The following DDX10 variants were observed in gnomAD, a reference collection of about 807,000 sequenced individuals.
DDX10 encodes DEAD-box helicase 10, also known as probable ATP-dependent RNA helicase DDX10.
A neutral mutation model predicts 104.3 loss-of-function variants in DDX10; 74 were observed. That is an observed-to-expected ratio of 0.71 (90% CI 0.59 to 0.86). The LOEUF is 0.86. Ranked by LOEUF, DDX10 falls within the 40% of genes least tolerant of loss-of-function variation. The pLI is 0.00. For missense variants in DDX10, 952 were observed against 1,040.0 expected (o/e 0.92, Z 1.16); for synonymous variants, 351 against 353.4 (o/e 0.99, Z 0.08).
At chr11:108,884,543 T>TG (rs1184446618) in intron 16 of DDX10, among the ~76,000 whole-genome samples, 3 of 152,230 alleles carry the variant, frequency 2.0e-5, no homozygotes, top group Non-Finnish European at 4.4e-5. Context: ...CATTCATCTC[T>TG]GCTCTTTCTG....
At chr11:108,891,986 CTG>C (rs1272574006) in intron 16 of DDX10, among the ~76,000 whole-genome samples, 1 of 152,122 alleles carries the variant, frequency 6.6e-6, no homozygotes, top group Non-Finnish European at 1.5e-5. Context: ...AACCAGAAAA[CTG>C]AGAGACCTGG....
intron 17 of DDX10, among the ~76,000 whole-genome samples, chr11:108,927,726 C>G (rs1266194069): frequency 6.6e-6 from 1 of 151,778 alleles, no homozygotes; most frequent in Admixed American, 6.6e-5. Context: ...CAACCTCTGT[C>G]TCCCAGGTTG....
At chr11:108,693,774 CA>C (rs967312891) in intron 9 of DDX10, among the ~76,000 whole-genome samples, 174 bp downstream of exon 9, 2 of 152,124 alleles carry the variant, frequency 1.3e-5, no homozygotes, top group African/African-American at 4.8e-5. Context: ...ATTAGTGCTG[CA>C]AAAAATCCAT....
chr11:108,910,576 GAA>G (rs1293722577), intron 16 of DDX10, among the ~76,000 whole-genome samples: 1 of 152,180 alleles, frequency 6.6e-6, no homozygotes, highest in Admixed American at 6.5e-5. Flanking sequence ...ACTGTTTTAA[GAA>G]AAGTCATTCC....
At chr11:108,715,612 A>G (rs919121456) in intron 10 of DDX10, among the ~76,000 whole-genome samples, 5 of 152,344 alleles carry the variant, frequency 3.3e-5, no homozygotes, top group African/African-American at 7.2e-5. Context: ...TAAGTAGCCA[A>G]TGCTAACTGT....
chr11:108,860,518 T>C (rs1416183184), intron 16 of DDX10: 1 of 152,210 alleles, frequency 6.6e-6, no homozygotes, highest in Admixed American at 6.6e-5. Context: ...AGGAGGAAGA[T>C]GGGGAGGAGG....
At chr11:108,935,977 C>T (rs1191664870) in intron 17 of DDX10, among the ~76,000 whole-genome samples, 1 of 152,152 alleles carries the variant, frequency 6.6e-6, no homozygotes, top group Admixed American at 6.5e-5. Flanking sequence ...TTACAAAGCT[C>T]AGTTAATATA....
intron 14 of DDX10, among the ~76,000 whole-genome samples, chr11:108,840,227 G>C (rs939968429): frequency 6.6e-6 from 1 of 152,142 alleles, no homozygotes; most frequent in African/African-American, 2.4e-5. Context: ...CAACCCCATT[G>C]GTTGCTAAAA....
chr11:108,785,381 A>G (rs1861776867), intron 13 of DDX10, among the ~76,000 whole-genome samples: 1 of 151,380 alleles, frequency 6.6e-6, no homozygotes, highest in South Asian at 2.1e-4. Context: ...ATTGGCCCGA[A>G]GCTTTTTTGT....
At chr11:108,845,787 T>C (rs1240481487) in intron 15 of DDX10, among the ~76,000 whole-genome samples, 2 of 152,226 alleles carry the variant, frequency 1.3e-5, no homozygotes. Context: ...AATATTTTAT[T>C]ATATATTTGG....
At chr11:108,794,411 A>G (rs1226478429) in intron 13 of DDX10, among the ~76,000 whole-genome samples, 5 of 152,166 alleles carry the variant, frequency 3.3e-5, no homozygotes, top group African/African-American at 9.7e-5. Flanking sequence ...AAAACCTCTA[A>G]TACAATGTTG....
chr11:108,834,641 A>G (rs1209700406), intron 13 of DDX10, among the ~76,000 whole-genome samples: 2 of 152,156 alleles, frequency 1.3e-5, no homozygotes, highest in Non-Finnish European at 2.9e-5. Flanking sequence ...CCTTAAGTTT[A>G]TACTGTCTGA....
chr11:108,679,293 C>A, intron 5 of DDX10, 78 bp from the exon 6 acceptor site: 1 of 1,214,160 alleles, frequency 8.2e-7, no homozygotes, highest in Non-Finnish European at 1.1e-6. Flanking sequence ...GTTTTAGGAT[C>A]CAATCCAGGA....
intron 16 of DDX10, 88 bp downstream of exon 16, chr11:108,852,297 T>C: frequency 2.2e-6 from 2 of 911,284 alleles, no homozygotes; most frequent in South Asian, 1.9e-5. Flanking sequence ...ACAATGCTTA[T>C]AATGTTAAAA....
chr11:108,773,671 CCA>C (rs1176899856), intron 13 of DDX10, among the ~76,000 whole-genome samples: 1 of 151,838 alleles, frequency 6.6e-6, no homozygotes, highest in African/African-American at 2.4e-5. Flanking sequence ...ATATTGATTT[CCA>C]CAGATACTTA....
intron 13 of DDX10, among the ~76,000 whole-genome samples, chr11:108,774,626 C>T (rs979377751): frequency 1.3e-5 from 2 of 151,984 alleles, no homozygotes; most frequent in Admixed American, 1.3e-4. Context: ...TTCTTTTATC[C>T]CCTCCAAACT....
At chr11:108,727,307 G>T (rs1294863870) in intron 13 of DDX10, among the ~76,000 whole-genome samples, 1 of 151,880 alleles carries the variant, frequency 6.6e-6, no homozygotes, top group Non-Finnish European at 1.5e-5. Flanking sequence ...CAGTTATTTA[G>T]AAAGTTATGA....
chr11:108,830,932 T>C (rs1424721783), intron 13 of DDX10, among the ~76,000 whole-genome samples: 1 of 152,232 alleles, frequency 6.6e-6, no homozygotes, highest in Non-Finnish European at 1.5e-5. Flanking sequence ...AATATTTGAA[T>C]TACTGTAATT....
At chr11:108,686,860 C>G (rs1470598329) in intron 6 of DDX10, among the ~76,000 whole-genome samples, 1 of 152,134 alleles carries the variant, frequency 6.6e-6, no homozygotes, top group African/African-American at 2.4e-5. Flanking sequence ...TCTCCCTTCA[C>G]TGCAAGCTCT....
Sources: allele counts gnomAD v4.1 joint callset (sites outside exome capture counted in the v4.1 genomes callset), GRCh38; gene constraint gnomAD v4.1.1; transcripts MANE v1.5; gene names NCBI Gene and HGNC (gene_info 2026-07-23, HGNC 2026-07-21).